INPP5A: variants seen among roughly 807,000 people sequenced by gnomAD.
INPP5A encodes the protein inositol polyphosphate-5-phosphatase A.
INPP5A carries 14 observed loss-of-function variants against 65.2 expected under a neutral mutation model. The ratio of observed to expected loss-of-function variants is 0.21; its 90% CI spans 0.14 to 0.34. The LOEUF (loss-of-function observed/expected upper bound fraction) is 0.34, where lower values mean the gene tolerates loss of function less well. Ranked by LOEUF, INPP5A falls within the 10% of genes least tolerant of loss-of-function variation. The pLI, the probability that INPP5A is intolerant of heterozygous loss-of-function variation, is 1.00. For synonymous variants in INPP5A, 207 were observed against 208.3 expected (o/e 0.99, Z 0.05); for missense variants, 431 against 545.6 (o/e 0.79, Z 2.09).
chr10:132,751,666 G>A (rs12766928), intron 11 of INPP5A, among the ~76,000 whole-genome samples: 23,682 of 150,070 alleles, frequency 0.16, 2,150 homozygotes, highest in Non-Finnish European at 0.22. Flanking sequence ...AGGTGTCTTC[G>A]TGGAGGCGAG....
chr10:132,608,027 T>C lies in INPP5A; in HGVS notation c.117+71T>C. The C allele has an allele frequency of 3.5e-6, 5 of 1,409,612 alleles. No individual in the cohort carries two copies. In the South Asian group the frequency reaches 5.7e-5, roughly 16 times the overall value. 87.3% of individuals were successfully genotyped at this position (1,409,612 alleles called of 1,614,324 possible). A position where few individuals can be genotyped will look rare whatever the true frequency, so the allele number is the denominator to read the frequency against. Reference sequence around the variant, plus strand: ...ATAAGGTGCCTTTTTGCTTTGGCATTCCTCCATGGAGTCTGGTGTGTCTAT... The same window carrying C: ...ATAAGGTGCCTTTTTGCTTTGGCATCCCTCCATGGAGTCTGGTGTGTCTAT... On this transcript the variant is annotated intron_variant, in intron 2 of 15. Transcript: ENST00000368594.
At position 132,697,519 on chromosome 10, in the gene INPP5A, C is replaced by T. The variant is rs761920915; in HGVS notation, c.371-297C>T. ...TCTACAGCCCTCTTAAATATATTCA[C>T]GGGTTTAAAAGAGGATGCCAATTAG... On this transcript the variant is annotated intron_variant, in intron 5 of 15. Coordinates refer to ENST00000368594, the MANE Select transcript of INPP5A (RefSeq NM_005539.5). This position sits in a 1 kb window ranked among gnomAD's most constrained non-coding sequence, Gnocchi z 5.6. 6.6e-6 allele frequency among the ~76,000 whole-genome samples: 1 copy of T among 152,186 alleles called. No individual in the cohort carries two copies. The highest frequency in any genetic ancestry group is 2.4e-5 in the African/African-American group (1 of 41,442).
At chr10:132,754,465 G>T (rs1486927114) in intron 11 of INPP5A, among the ~76,000 whole-genome samples, 1 of 152,086 alleles carries the variant, frequency 6.6e-6, no homozygotes, top group Non-Finnish European at 1.5e-5. Context: ...AGTGTGTGGG[G>T]GCGAGCACCT....
At chr10:132,594,923 A>G (rs923151194) in intron 1 of INPP5A, among the ~76,000 whole-genome samples, 1 of 152,232 alleles carries the variant, frequency 6.6e-6, no homozygotes, top group African/African-American at 2.4e-5. Flanking sequence ...ATTCTGGCCA[A>G]AGTGGCTTTC....
chr10:132,710,203 G>A (rs1317180186), intron 7 of INPP5A, 134 bp from the exon 8 acceptor site: 31 of 949,280 alleles, frequency 3.3e-5, no homozygotes, highest in Non-Finnish European at 4.8e-5. Context: ...GGGTGGACAG[G>A]TGCCCCGCCT....
Position 132,780,857 on chromosome 10 carries a change from C to T in INPP5A, c.1098C>T (p.Ser366=), listed in dbSNP as rs200446352. 206 of 1,612,950 alleles carry T rather than the reference C, an allele frequency of 1.3e-4. 2 individuals carry two copies. Among genetic ancestry groups the T allele is most frequent in the Admixed American group, 2.2e-4 (13 of 59,986 alleles). Residue 366 remains serine (S), a synonymous_variant, in exon 14 of 16, where the codon AGC becomes AGT. Coordinates refer to ENST00000368594, the MANE Select transcript of INPP5A (RefSeq NM_005539.5). ...SAKELVLRSE[S]EEKVVTYDHI... ...CTGTTTCCCCTTTCCAGTCGGAGAG[C>T]GAGGAGAAGGTTGTCACCTATGACC... is the stretch of plus-strand genomic sequence containing the variant.
rs1247453726 is a variant in INPP5A at position 132,697,957 on chromosome 10, T to A, written c.474+38T>A. 1.5e-6 allele frequency: 2 copies of A among 1,362,104 alleles called. No individual in the cohort carries two copies. Among genetic ancestry groups the A allele is most frequent in the African/African-American group, 1.4e-5 (1 of 69,948 alleles). 84.4% of individuals were successfully genotyped at this position (1,362,104 alleles called of 1,614,324 possible). ...GCTTTCTCACTGACGTGTTTACTTC[T>A]CAGAGTGAGCCAGTCAGAAGTGACA... On this transcript the variant is annotated intron_variant, in intron 6 of 15. Coordinates refer to ENST00000368594, the MANE Select transcript of INPP5A (RefSeq NM_005539.5). This position sits in a 1 kb window ranked among gnomAD's most constrained non-coding sequence, Gnocchi z 5.6.
At chr10:132,625,677 C>T (rs1016328621) in intron 2 of INPP5A, among the ~76,000 whole-genome samples, 4 of 152,104 alleles carry the variant, frequency 2.6e-5, no homozygotes, top group Admixed American at 6.5e-5. Context: ...TGACCAAGGT[C>T]GGGCCCTGTG....
chr10:132,614,775 C>A (rs1360953167), intron 2 of INPP5A, among the ~76,000 whole-genome samples: 2 of 152,260 alleles, frequency 1.3e-5, no homozygotes, highest in Middle Eastern at 6.3e-3. Flanking sequence ...AAGGAGAGGA[C>A]TCCATCCCCA....
chr10:132,775,725 G>A (rs1456287456), intron 12 of INPP5A, among the ~76,000 whole-genome samples: 2 of 152,194 alleles, frequency 1.3e-5, no homozygotes, highest in East Asian at 1.9e-4. Flanking sequence ...TGGCATCCCT[G>A]TTCTCTCTTG....
At chr10:132,702,356 A>G (rs1267751829) in intron 6 of INPP5A, among the ~76,000 whole-genome samples, 2 of 152,224 alleles carry the variant, frequency 1.3e-5, no homozygotes, top group Non-Finnish European at 2.9e-5. Context: ...GTTGGAAAAA[A>G]TTCTCCATTA....
At chr10:132,604,333 A>G (rs80172487) in intron 1 of INPP5A, among the ~76,000 whole-genome samples, 3,219 of 97,968 alleles carry the variant, frequency 0.033, 47 homozygotes, top group South Asian at 0.063. Flanking sequence ...GCCCTGTGCC[A>G]TCAGGGTCCC....
intron 2 of INPP5A, among the ~76,000 whole-genome samples, chr10:132,628,970 T>C (rs1045711029): frequency 2.6e-5 from 4 of 152,212 alleles, no homozygotes; most frequent in African/African-American, 9.7e-5. Context: ...TAATGAGACA[T>C]GTTATCTGTT....
intron 2 of INPP5A, among the ~76,000 whole-genome samples, chr10:132,623,765 T>C (rs745787853): frequency 3.5e-4 from 53 of 152,308 alleles, no homozygotes; most frequent in Middle Eastern, 6.8e-3. Context: ...GAAGGACTTG[T>C]ATCTAGAATA....
intron 1 of INPP5A, among the ~76,000 whole-genome samples, chr10:132,606,972 T>C (rs2071865102): frequency 1.3e-5 from 2 of 152,184 alleles, no homozygotes; most frequent in African/African-American, 4.8e-5. Flanking sequence ...TCTACCCTTT[T>C]AGATGCTGAC....
At chr10:132,544,342 C>T (rs1029435811) in intron 1 of INPP5A, among the ~76,000 whole-genome samples, 4 of 152,232 alleles carry the variant, frequency 2.6e-5, no homozygotes, top group Non-Finnish European at 5.9e-5. Context: ...GTCTTCCTAC[C>T]TGTGTGCCGG....
At chr10:132,597,860 C>T (rs1377483953) in intron 1 of INPP5A, among the ~76,000 whole-genome samples, 3 of 148,678 alleles carry the variant, frequency 2.0e-5, no homozygotes, top group East Asian at 2.0e-4. Flanking sequence ...TGCGCAGTGA[C>T]TCTGGGTCTG....
chr10:132,740,259 C>T (rs1415235288), intron 9 of INPP5A, among the ~76,000 whole-genome samples: 2 of 152,268 alleles, frequency 1.3e-5, no homozygotes, highest in East Asian at 1.9e-4. Context: ...TGGAACTTTG[C>T]GTGCTGGTTT....
At chr10:132,661,354 T>C (rs928933731) in intron 4 of INPP5A, among the ~76,000 whole-genome samples, 2 of 152,238 alleles carry the variant, frequency 1.3e-5, no homozygotes, top group Non-Finnish European at 2.9e-5. Flanking sequence ...AGAATCTCTT[T>C]ATGTAGTTAG....
Sources: allele counts gnomAD v4.1 joint callset (sites outside exome capture counted in the v4.1 genomes callset), GRCh38; gene constraint gnomAD v4.1.1; non-coding constraint Gnocchi (gnomAD v3.1); transcripts MANE v1.5; gene names NCBI Gene and HGNC (gene_info 2026-07-23, HGNC 2026-07-21).